MEIS1: variants seen among roughly 807,000 people sequenced by gnomAD.
MEIS1 encodes Meis homeobox 1, also known as homeobox protein Meis1.
In MEIS1, 5 loss-of-function variants were observed where a neutral mutation model predicts 50.8. That is an observed-to-expected ratio of 0.10 (90% CI 0.05 to 0.21). The LOEUF is 0.21. Ranked by LOEUF, MEIS1 falls within the 10% of genes least tolerant of loss-of-function variation. MEIS1 has a pLI of 1.00. For missense variants in MEIS1, 318 were observed against 517.3 expected, an observed-to-expected ratio of 0.61 and a Z score of 3.74; for synonymous variants, 176 against 179.3, an observed-to-expected ratio of 0.98 and a Z score of 0.15.
At chr2:66,509,317 GT>G (rs1558544135) in intron 7 of MEIS1, among the ~76,000 whole-genome samples, 2 of 152,188 alleles carry the variant, frequency 1.3e-5, no homozygotes, top group African/African-American at 4.8e-5. Context: ...AAGGAGCAGG[GT>G]TTATTGTTTT....
intron 9 of MEIS1, among the ~76,000 whole-genome samples, chr2:66,564,829 C>T (rs1036005502): frequency 2.2e-4 from 33 of 151,574 alleles, no homozygotes; most frequent in African/African-American, 7.8e-4. Context: ...CCCATTAACT[C>T]GTCATTTACA....
At chr2:66,440,028 GC>G (rs556653141) in intron 3 of MEIS1, 44 bp downstream of exon 3, 59 of 1,541,088 alleles carry the variant, frequency 3.8e-5, no homozygotes, top group East Asian at 2.6e-4. Context: ...CAAAAAGAGA[GC>G]CCCCCCTTCG....
At chr2:66,553,622 T>C (rs1382327843) in intron 9 of MEIS1, among the ~76,000 whole-genome samples, 1 of 152,230 alleles carries the variant, frequency 6.6e-6, no homozygotes, top group East Asian at 1.9e-4. Flanking sequence ...AAAAGAGCTG[T>C]GAATTTAGAA....
intron 12 of MEIS1, 129 bp from the exon 13 acceptor site, chr2:66,571,117 A>T: frequency 1.1e-6 from 1 of 897,854 alleles, no homozygotes; most frequent in South Asian, 2.0e-5. Context: ...AATCAAAAGA[A>T]TGCTTTACAA....
chr2:66,514,536 G>A (rs1314911762), intron 8 of MEIS1, among the ~76,000 whole-genome samples: 1 of 152,174 alleles, frequency 6.6e-6, no homozygotes, highest in East Asian at 1.9e-4. Flanking sequence ...TGCCCTGGAA[G>A]GGGAAGCCCA....
intron 7 of MEIS1, among the ~76,000 whole-genome samples, chr2:66,502,596 T>G (rs1572859881): frequency 6.6e-6 from 1 of 152,096 alleles, no homozygotes; most frequent in Non-Finnish European, 1.5e-5. Flanking sequence ...ACGATGGACA[T>G]TTTGATTGTT....
At chr2:66,506,396 A>T (rs906226307) in intron 7 of MEIS1, among the ~76,000 whole-genome samples, 4 of 152,136 alleles carry the variant, frequency 2.6e-5, no homozygotes, top group Non-Finnish European at 4.4e-5. Flanking sequence ...GGATAAGGAA[A>T]TGCAAAGAGG....
At chr2:66,528,408 G>T (rs1035254454) in intron 8 of MEIS1, among the ~76,000 whole-genome samples, 1 of 151,936 alleles carries the variant, frequency 6.6e-6, no homozygotes, top group Non-Finnish European at 1.5e-5. Context: ...GAAAGTCGAA[G>T]AATCCATTCC....
chr2:66,543,423 A>G (rs1235278237), intron 8 of MEIS1, among the ~76,000 whole-genome samples: 1 of 152,182 alleles, frequency 6.6e-6, no homozygotes, highest in Non-Finnish European at 1.5e-5. Context: ...AAGGATGATC[A>G]TTTCATGAGT....
intron 6 of MEIS1, among the ~76,000 whole-genome samples, chr2:66,444,964 A>G (rs928482535): frequency 5.9e-5 from 9 of 152,328 alleles, no homozygotes; most frequent in Non-Finnish European, 1.3e-4. Context: ...AAGATAAAAG[A>G]CCAAAGTTAT....
chr2:66,441,916 G>GGC (rs1671994437), intron 5 of MEIS1: 1 of 165,724 alleles, frequency 6.0e-6, no homozygotes, highest in Non-Finnish European at 1.3e-5. Flanking sequence ...ACAGGGGAGA[G>GGC]GCAGAAGGGG....
intron 8 of MEIS1, among the ~76,000 whole-genome samples, chr2:66,543,659 GC>G (rs1235998001): frequency 6.6e-6 from 1 of 152,190 alleles, no homozygotes; most frequent in Non-Finnish European, 1.5e-5. Context: ...AACCCTTGCA[GC>G]TACTGCATTG....
At chr2:66,541,616 C>T (rs558054532) in intron 8 of MEIS1, among the ~76,000 whole-genome samples, 23 of 152,220 alleles carry the variant, frequency 1.5e-4, no homozygotes, top group African/African-American at 5.3e-4. Context: ...AAAAAACAAA[C>T]GCTAAACAAA....
At chr2:66,452,994 C>T (rs1672309732) in intron 6 of MEIS1, among the ~76,000 whole-genome samples, 1 of 151,874 alleles carries the variant, frequency 6.6e-6, no homozygotes, top group Non-Finnish European at 1.5e-5. Context: ...TAACAATCTG[C>T]ATTTAAGTGA....
At chr2:66,522,561 T>A (rs144226411) in intron 8 of MEIS1, among the ~76,000 whole-genome samples, 578 of 152,298 alleles carry the variant, frequency 3.8e-3, no homozygotes, top group African/African-American at 0.013. Context: ...CAACTGGTGT[T>A]TTCGTGTTTA....
chr2:66,517,410 G>A (rs1291694679), intron 8 of MEIS1, among the ~76,000 whole-genome samples: 2 of 151,932 alleles, frequency 1.3e-5, no homozygotes, highest in African/African-American at 4.9e-5. Flanking sequence ...GAAGGTGCGA[G>A]AAGATTTTTT....
chr2:66,533,486 C>T (rs1466714397), intron 8 of MEIS1, among the ~76,000 whole-genome samples: 1 of 152,204 alleles, frequency 6.6e-6, no homozygotes, highest in African/African-American at 2.4e-5. Context: ...CACATCTACA[C>T]TGTCAGTGTC....
intron 4 of MEIS1, 170 bp downstream of exon 4, chr2:66,440,782 G>A (rs1238938720): frequency 3.4e-6 from 2 of 581,802 alleles, no homozygotes; most frequent in Admixed American, 3.2e-5. Flanking sequence ...ACAAGATCCC[G>A]GGGAAATAAA....
chr2:66,554,013 C>T (rs962672987), intron 9 of MEIS1, among the ~76,000 whole-genome samples: 2 of 152,180 alleles, frequency 1.3e-5, no homozygotes, highest in African/African-American at 4.8e-5. Context: ...ACTGTTTCTC[C>T]TCCAGCCAGC....
Sources: allele counts gnomAD v4.1 joint callset (sites outside exome capture counted in the v4.1 genomes callset), GRCh38; gene constraint gnomAD v4.1.1; transcripts MANE v1.5; gene names NCBI Gene and HGNC (gene_info 2026-07-23, HGNC 2026-07-21).